Variants in UBE2F observed in about 807,000 individuals in gnomAD.
UBE2F encodes the protein NEDD8-conjugating enzyme UBE2F.
Under a neutral mutation model 29.6 loss-of-function variants are expected in UBE2F, and 5 were observed. That is an observed-to-expected ratio of 0.17 (90% CI 0.09 to 0.36). The LOEUF (loss-of-function observed/expected upper bound fraction) is 0.36, where lower values mean the gene tolerates loss of function less well. Among genes scored for constraint, UBE2F ranks in the 10% least tolerant of loss-of-function variants. The pLI is 1.00. For synonymous variants in UBE2F, 66 were observed against 81.8 expected (o/e 0.81, Z 1.04); for missense variants, 141 against 228.5 (o/e 0.62, Z 2.47).
chr2:238,029,384 C>T (rs552533925), intron 6 of UBE2F, among the ~76,000 whole-genome samples: 4 of 151,908 alleles, frequency 2.6e-5, no homozygotes, highest in South Asian at 2.1e-4. Flanking sequence ...GTCAGGAGAT[C>T]GAGACCATCC....
intron 1 of UBE2F, among the ~76,000 whole-genome samples, chr2:237,969,629 C>T (rs1276937012): frequency 6.6e-6 from 1 of 152,232 alleles, no homozygotes; most frequent in South Asian, 2.1e-4. Flanking sequence ...GTGACTCTGA[C>T]GATGTGGCAG....
chr2:237,987,559 T>A (rs891404315), intron 2 of UBE2F, among the ~76,000 whole-genome samples: 4 of 152,056 alleles, frequency 2.6e-5, no homozygotes, highest in African/African-American at 2.4e-5. Flanking sequence ...GAAATGCAGC[T>A]ATGAGGGGGT....
At chr2:238,013,570 G>A (rs1166541684) in intron 4 of UBE2F, among the ~76,000 whole-genome samples, 1 of 152,146 alleles carries the variant, frequency 6.6e-6, no homozygotes, top group Non-Finnish European at 1.5e-5. Flanking sequence ...GGCCTCAAGG[G>A]CGTTGTCCAC....
intron 4 of UBE2F, among the ~76,000 whole-genome samples, chr2:238,007,420 C>T (rs139244320): frequency 1.4e-3 from 209 of 152,232 alleles, no homozygotes; most frequent in African/African-American, 4.8e-3. Flanking sequence ...CTGAGTCCGG[C>T]CTTGCTATAG....
At chr2:237,993,432 G>T (rs2063628764) in intron 3 of UBE2F, among the ~76,000 whole-genome samples, 1 of 152,172 alleles carries the variant, frequency 6.6e-6, no homozygotes. Context: ...TTTAGCATAG[G>T]CCTGGTGTGG....
chr2:238,004,286 T>C (rs928798025), intron 4 of UBE2F, among the ~76,000 whole-genome samples: 15 of 152,260 alleles, frequency 9.9e-5, no homozygotes, highest in Non-Finnish European at 2.1e-4. Flanking sequence ...GAAAAAACTT[T>C]ACTCATGGTA....
chr2:237,999,350 A>G (rs1041961086), intron 4 of UBE2F, among the ~76,000 whole-genome samples: 11 of 152,174 alleles, frequency 7.2e-5, no homozygotes, highest in Non-Finnish European at 1.6e-4. Context: ...GATTACTGCC[A>G]TGAGCCACCA....
intron 3 of UBE2F, chr2:237,990,490 C>A: frequency 2.4e-6 from 1 of 420,304 alleles, no homozygotes. Context: ...GCAGTCTCAA[C>A]CTCCTGGGCT....
chr2:238,016,736 G>T, intron 5 of UBE2F, 103 bp downstream of exon 5: 2 of 898,230 alleles, frequency 2.2e-6, no homozygotes, highest in South Asian at 1.6e-5. Flanking sequence ...CTCTGCGTGT[G>T]TCCATGTGTG....
intron 7 of UBE2F, 35 bp downstream of exon 7, chr2:238,030,648 T>C (rs1426820404): frequency 6.4e-7 from 1 of 1,550,610 alleles, no homozygotes; most frequent in Non-Finnish European, 8.9e-7. Context: ...TCATAAGTTG[T>C]CCCTGTGGTC....
At chr2:238,003,345 G>T in intron 4 of UBE2F, 1 of 470,802 alleles carries the variant, frequency 2.1e-6, no homozygotes. Context: ...AACATTGACT[G>T]CTCTCTCCTT....
chr2:237,973,518 A>T, intron 2 of UBE2F: 1 of 527,278 alleles, frequency 1.9e-6, no homozygotes. Flanking sequence ...AGAGTCAGCA[A>T]AGCCTAAGAC....
intron 4 of UBE2F, among the ~76,000 whole-genome samples, chr2:237,997,639 C>CTAA (rs1253571435): frequency 1.2e-4 from 18 of 152,214 alleles, no homozygotes; most frequent in African/African-American, 3.9e-4. Context: ...TGAAAACTCA[C>CTAA]TAATATCTAT....
At chr2:237,970,976 G>A (rs1480134734) in intron 1 of UBE2F, among the ~76,000 whole-genome samples, 2 of 152,248 alleles carry the variant, frequency 1.3e-5, no homozygotes, top group Non-Finnish European at 2.9e-5. Flanking sequence ...GCCTACCGAA[G>A]TGCTGGGATT....
At chr2:238,015,386 A>G (rs1311954135) in intron 4 of UBE2F, among the ~76,000 whole-genome samples, 4 of 152,258 alleles carry the variant, frequency 2.6e-5, no homozygotes, top group Non-Finnish European at 5.9e-5. Context: ...TTGATCATTC[A>G]GTTCTTAAAA....
At position 238,003,057 on chromosome 2, in the gene UBE2F, A is replaced by G. The variant is rs2063828910; in HGVS notation, c.214+8248A>G. 2.0e-5 allele frequency among the ~76,000 whole-genome samples: 3 copies of G among 152,354 alleles called. No homozygotes were observed. In the South Asian group the frequency reaches 6.2e-4, roughly 32 times the overall value. ...ACATCCTGACCATGTAGTAGTTTAC[A>G]TGTAGTTTATTGTTAATATGTAAAG... On this transcript the variant is annotated intron_variant, in intron 4 of 9. Transcript: ENST00000272930.
At chr2:237,977,081 C>T (rs1010093499) in intron 2 of UBE2F, among the ~76,000 whole-genome samples, 21 of 152,256 alleles carry the variant, frequency 1.4e-4, no homozygotes, top group Admixed American at 1.3e-3. Flanking sequence ...AGCTCTCTGC[C>T]GGCTCCAGGG....
chr2:238,019,517 C>T (rs1482944474), intron 5 of UBE2F, among the ~76,000 whole-genome samples: 1 of 152,058 alleles, frequency 6.6e-6, no homozygotes, highest in African/African-American at 2.4e-5. Flanking sequence ...CACGCATGTA[C>T]CACCACGCCC....
chr2:238,017,458 T>C (rs982599715), intron 5 of UBE2F, among the ~76,000 whole-genome samples: 2 of 152,024 alleles, frequency 1.3e-5, no homozygotes, highest in Non-Finnish European at 2.9e-5. Flanking sequence ...GAGTGAAGAA[T>C]TGGAGTTGGG....
Sources: gnomAD v4.1 joint callset for allele counts (sites outside exome capture counted in the v4.1 genomes callset) on GRCh38, gnomAD v4.1.1 for gene constraint, MANE v1.5 for transcripts, NCBI Gene and HGNC (gene_info 2026-07-23, HGNC 2026-07-21) for gene names.